Variants in ESR2 observed in about 807,000 individuals in gnomAD.
ESR2 encodes estrogen receptor beta.
In ESR2, 36 loss-of-function variants were observed where a neutral mutation model predicts 49.6. That is an observed-to-expected ratio of 0.73 (90% CI 0.56 to 0.96). ESR2 has a LOEUF of 0.96. Among genes scored for constraint, ESR2 ranks in the 40% least tolerant of loss-of-function variants. The pLI is 0.00. For missense variants in ESR2, 714 were observed against 693.0 expected (o/e 1.03, Z -0.34); for synonymous variants, 320 against 266.1 (o/e 1.20, Z -1.97).
chr14:64,228,010 C>A (rs547407770), downstream of ESR2: 1 of 1,519,552 alleles, frequency 6.6e-7, no homozygotes, highest in South Asian at 1.3e-5. Context: ...GATACCAGGA[C>A]TTTTGTGAGC....
intron 1 of ESR2, among the ~76,000 whole-genome samples, chr14:64,333,710 C>A (rs1047480740): frequency 6.6e-6 from 1 of 152,180 alleles, no homozygotes; most frequent in East Asian, 1.9e-4. Context: ...TTCACTACGA[C>A]GAGAACAACA....
At chr14:64,321,158 A>G (rs1426372632) in intron 1 of ESR2, among the ~76,000 whole-genome samples, 2 of 152,152 alleles carry the variant, frequency 1.3e-5, no homozygotes, top group African/African-American at 4.8e-5. Context: ...CCTCAAAAAC[A>G]ATGCTAATTT....
intron 1 of ESR2, among the ~76,000 whole-genome samples, chr14:64,314,281 G>T (rs1044084546): frequency 2.1e-4 from 31 of 150,928 alleles, no homozygotes; most frequent in African/African-American, 7.1e-4. Context: ...ATAGGTCAAG[G>T]GAAATTTTAA....
At position 64,240,299 on chromosome 14, in the gene ESR2, T is replaced by C. The variant is rs1025016205; in HGVS notation, c.1226-5149A>G. Among the ~76,000 whole-genome samples, 81 of 152,336 alleles carry C rather than the reference T, an allele frequency of 5.3e-4. 1 individual carries two copies. Among genetic ancestry groups the C allele is most frequent in the African/African-American group, 1.8e-3 (75 of 41,582 alleles). On this transcript the variant is annotated intron_variant, in intron 7 of 8. Coordinates refer to ENST00000341099, the MANE Select transcript of ESR2 (RefSeq NM_001437.3). ...ATGCTTATCTAGCCTGGCAAGGCCA[T>C]CTAGCAGCAACCAAATGCAGCGCTT... is the stretch of plus-strand genomic sequence containing the variant.
intron 1 of ESR2, among the ~76,000 whole-genome samples, chr14:64,327,538 C>A (rs56326879): frequency 0.036 from 3,488 of 97,248 alleles, 1 homozygote; most frequent in Non-Finnish European, 0.043. Context: ...TCTACTAAAA[C>A]TACAAAAATT....
At chr14:64,262,886 G>C in intron 4 of ESR2, among the ~76,000 whole-genome samples, 1 of 152,158 alleles carries the variant, frequency 6.6e-6, no homozygotes, top group East Asian at 1.9e-4. Context: ...ACTCCAGCCT[G>C]GGTGACACAG....
intron 1 of ESR2, among the ~76,000 whole-genome samples, chr14:64,334,782 G>A (rs1033638811): frequency 2.0e-5 from 3 of 152,234 alleles, no homozygotes; most frequent in African/African-American, 7.2e-5. Flanking sequence ...AAGTAGCTCA[G>A]ATTAAAGGCG....
At chr14:64,336,762 T>C (rs562046310) in intron 1 of ESR2, 1 of 152,308 alleles carries the variant, frequency 6.6e-6, no homozygotes, top group South Asian at 2.1e-4. Flanking sequence ...GCCAAACTTA[T>C]GATTGTACCC....
chr14:64,310,714 C>T (rs966664726), intron 1 of ESR2, among the ~76,000 whole-genome samples: 5 of 152,100 alleles, frequency 3.3e-5, no homozygotes, highest in African/African-American at 1.2e-4. Context: ...TCGTGATCTG[C>T]CCGCCTCGGC....
Position 64,235,003 on chromosome 14 carries a change from A to T in ESR2, c.1373T>A (p.Leu458His), listed in dbSNP as rs146380568. 11 of 1,614,074 alleles carry T rather than the reference A, an allele frequency of 6.8e-6. No homozygotes were observed. The highest frequency in any genetic ancestry group is 3.3e-5 in the Admixed American group (2 of 60,008). ...CCTGACGTGGGACAGGAGCATCAGG[A>T]GGTTAGCCAGGCGCATGGATTGCTG... The part of the protein sequence containing the change: ...SQQQSMRLAN[L>H]LMLLSHVRHA... Residue 458 changes from leucine to histidine, a missense_variant, in exon 8 of 9, where the codon CTC becomes CAC. By Grantham distance (99) the Leu-to-His change is moderately conservative. Transcript: ENST00000341099.
chr14:64,307,823 C>T (rs1476576790), intron 1 of ESR2, among the ~76,000 whole-genome samples: 1 of 152,172 alleles, frequency 6.6e-6, no homozygotes, highest in African/African-American at 2.4e-5. Flanking sequence ...CGTGAGCCAC[C>T]ATGCCCGGCC....
intron 6 of ESR2, among the ~76,000 whole-genome samples, chr14:64,251,412 TACACACAC>T (rs111881046): frequency 3.3e-5 from 5 of 149,310 alleles, no homozygotes; most frequent in Non-Finnish European, 7.4e-5. Flanking sequence ...GCACAATACA[TACACACAC>T]ACACACACAC....
At chr14:64,284,022 G>A (rs2076741003) in intron 1 of ESR2, among the ~76,000 whole-genome samples, 1 of 151,678 alleles carries the variant, frequency 6.6e-6, no homozygotes, top group Non-Finnish European at 1.5e-5. Flanking sequence ...TGCCTCCCAG[G>A]TTCTAGTGAT....
At chr14:64,271,526 G>A (rs1369411976) in intron 3 of ESR2, among the ~76,000 whole-genome samples, 4 of 152,090 alleles carry the variant, frequency 2.6e-5, no homozygotes, top group Non-Finnish European at 5.9e-5. Flanking sequence ...GGGTTTCACC[G>A]TGTTGCCCAA....
intron 3 of ESR2, among the ~76,000 whole-genome samples, chr14:64,277,822 T>C (rs2076586025): frequency 6.6e-6 from 1 of 152,036 alleles, no homozygotes; most frequent in Admixed American, 6.6e-5. Flanking sequence ...TTTAACTCTT[T>C]CCTCTTTGCA....
chr14:64,319,348 G>C (rs1429038543), intron 1 of ESR2, among the ~76,000 whole-genome samples: 2 of 151,996 alleles, frequency 1.3e-5, no homozygotes, highest in African/African-American at 4.8e-5. Context: ...AGGAGAAAAT[G>C]TAAGTGACCT....
At chr14:64,318,680 A>G (rs1596489858) in intron 1 of ESR2, among the ~76,000 whole-genome samples, 2 of 151,910 alleles carry the variant, frequency 1.3e-5, no homozygotes, top group South Asian at 2.1e-4. Flanking sequence ...TGGGAGGATC[A>G]TTTGAGGCCA....
chr14:64,246,588 A>G (rs1412699995), intron 7 of ESR2, among the ~76,000 whole-genome samples: 7 of 151,806 alleles, frequency 4.6e-5, no homozygotes, highest in African/African-American at 1.2e-4. Context: ...TTAGCCAGGC[A>G]TGGTGGCATG....
intron 1 of ESR2, among the ~76,000 whole-genome samples, chr14:64,288,593 C>G (rs1005130354): frequency 6.6e-6 from 1 of 152,046 alleles, no homozygotes; most frequent in Admixed American, 6.5e-5. Flanking sequence ...CGTGACCCGC[C>G]CGCCTTGGGC....
Sources: allele counts gnomAD v4.1 joint callset (sites outside exome capture counted in the v4.1 genomes callset), GRCh38; gene constraint gnomAD v4.1.1; transcripts MANE v1.5; gene names NCBI Gene and HGNC (gene_info 2026-07-23, HGNC 2026-07-21).